The following SHANK2 variants were observed in gnomAD, a reference collection of about 807,000 sequenced individuals.
SHANK2 encodes the protein SH3 and multiple ankyrin repeat domains protein 2.
SHANK2 carries 43 observed loss-of-function variants against 133.7 expected under a neutral mutation model. That is an observed-to-expected ratio of 0.32 (90% confidence interval 0.25 to 0.41). SHANK2 has a LOEUF of 0.41. SHANK2 is among the 10% of genes least tolerant of loss of function. The pLI, the probability that SHANK2 is intolerant of heterozygous loss-of-function variation, is 1.00. For missense variants in SHANK2, 1,994 were observed against 2,235.8 expected, an observed-to-expected ratio of 0.89 and a Z score of 2.18; for synonymous variants, 1,017 against 952.8, an observed-to-expected ratio of 1.07 and a Z score of -1.24.
intron 14 of SHANK2, among the ~76,000 whole-genome samples, chr11:70,745,121 C>T (rs1946610935): frequency 6.6e-6 from 1 of 152,220 alleles, no homozygotes; most frequent in Admixed American, 6.5e-5. Context: ...AATTTCTACC[C>T]GACCTCCAAC....
chr11:70,870,967 G>A lies in SHANK2; in HGVS notation c.1174+25534C>T, dbSNP rs376318874. ...TAATCTTTGTATTTTTAGTAGAGACGGGGTTTCACCATGTTGGCCAGGCTG... is the reference window on the plus strand; with the variant it reads ...TAATCTTTGTATTTTTAGTAGAGACAGGGTTTCACCATGTTGGCCAGGCTG... On this transcript the variant is annotated intron_variant, in intron 11 of 25. Coordinates refer to ENST00000601538, the MANE Select transcript of SHANK2 (RefSeq NM_012309.5). Among the ~76,000 whole-genome samples, 6 of 152,186 alleles carry A rather than the reference G, an allele frequency of 3.9e-5. No individual in the cohort carries two copies. In the East Asian group the frequency reaches 1.2e-3, roughly 29 times the overall value.
At chr11:70,478,112 A>C (rs563668604) in intron 25 of SHANK2, among the ~76,000 whole-genome samples, 1 of 152,282 alleles carries the variant, frequency 6.6e-6, no homozygotes, top group African/African-American at 2.4e-5. Flanking sequence ...CAGTCAGTAC[A>C]AGTTAATTGG....
intron 10 of SHANK2, among the ~76,000 whole-genome samples, chr11:70,902,772 C>A (rs1240198019): frequency 6.6e-6 from 1 of 152,142 alleles, no homozygotes; most frequent in Non-Finnish European, 1.5e-5. Context: ...GCTGACAAAG[C>A]CCCCTGCAAG....
chr11:70,951,771 C>A (rs1444082251), intron 10 of SHANK2, among the ~76,000 whole-genome samples: 1 of 152,236 alleles, frequency 6.6e-6, no homozygotes, highest in Non-Finnish European at 1.5e-5. Context: ...TGCCCACCCC[C>A]ACCCAAAGGC....
Position 71,070,815 on chromosome 11 carries a change from T to C in SHANK2, c.1029+4344A>G, listed in dbSNP as rs1281519292. Among the ~76,000 whole-genome samples the C allele has an allele frequency of 2.0e-5, 3 of 152,388 alleles. No individual in the cohort carries two copies. In the South Asian group the frequency reaches 6.2e-4, roughly 32 times the overall value. On this transcript the variant is annotated intron_variant, in intron 9 of 25. Coordinates refer to ENST00000601538, the MANE Select transcript of SHANK2 (RefSeq NM_012309.5). The stretch of plus-strand genomic sequence containing the variant: ...CGCAAAGCCTAAAATGTTACCCAAC[T>C]GGCTCTTTATAGCAAAAGCAGATGG...
chr11:70,734,116 C>T (rs940287718), intron 14 of SHANK2, among the ~76,000 whole-genome samples: 8 of 152,060 alleles, frequency 5.3e-5, no homozygotes, highest in South Asian at 4.1e-4. Context: ...CCCTGAGCCG[C>T]GCATCTGGGA....
At chr11:71,185,183 C>T (rs1478932387) in intron 2 of SHANK2, among the ~76,000 whole-genome samples, 1 of 152,228 alleles carries the variant, frequency 6.6e-6, no homozygotes. Flanking sequence ...ACTGCCCACA[C>T]TGTTATGGTT....
Position 70,694,851 on chromosome 11 carries a change from C to T in SHANK2, c.1853+3837G>A, listed in dbSNP as rs531221180. ...CTGCCTGCTCTCCTTCCACACTGCCCGCTCTCTGCCTGCACTGCCCACCCT... is the reference window on the plus strand; with the variant it reads ...CTGCCTGCTCTCCTTCCACACTGCCTGCTCTCTGCCTGCACTGCCCACCCT... On this transcript the variant is annotated intron_variant, in intron 15 of 25. Coordinates refer to ENST00000601538, the MANE Select transcript of SHANK2 (RefSeq NM_012309.5). Among the ~76,000 whole-genome samples, 15 of 152,270 alleles carry T rather than the reference C, an allele frequency of 9.9e-5. No homozygotes were observed. The East Asian group carries it at 2.3e-3, about 24-fold the overall frequency.
intron 21 of SHANK2, among the ~76,000 whole-genome samples, chr11:70,497,852 C>T (rs1435612798): frequency 6.6e-6 from 1 of 152,242 alleles, no homozygotes; most frequent in Non-Finnish European, 1.5e-5. Flanking sequence ...GCTGAGTCTC[C>T]TGGAAAATAG....
At chr11:71,069,785 C>T (rs1951118755) in intron 9 of SHANK2, among the ~76,000 whole-genome samples, 1 of 152,178 alleles carries the variant, frequency 6.6e-6, no homozygotes, top group Non-Finnish European at 1.5e-5. Context: ...TTCCTCAGGG[C>T]TGCCTCCTGA....
intron 10 of SHANK2, among the ~76,000 whole-genome samples, chr11:70,898,299 CACACACACACACAT>C (rs1423335295): frequency 6.7e-6 from 1 of 149,372 alleles, no homozygotes; most frequent in Admixed American, 6.7e-5. Flanking sequence ...CACACACACA[CACACACACACACAT>C]ATATATATGT....
chr11:71,151,965 T>C (rs1347740297), intron 2 of SHANK2, among the ~76,000 whole-genome samples: 1 of 152,036 alleles, frequency 6.6e-6, no homozygotes, highest in African/African-American at 2.4e-5. Flanking sequence ...CAGAATGTGG[T>C]CCCCAAATCA....
intron 14 of SHANK2, among the ~76,000 whole-genome samples, chr11:70,786,028 A>C (rs1178544142): frequency 6.6e-6 from 1 of 152,122 alleles, no homozygotes; most frequent in African/African-American, 2.4e-5. Flanking sequence ...AGCAGTGTAG[A>C]GGTTCCCACA....
intron 2 of SHANK2, among the ~76,000 whole-genome samples, chr11:71,159,551 T>C (rs1555109557): frequency 6.6e-6 from 1 of 152,182 alleles, no homozygotes; most frequent in Non-Finnish European, 1.5e-5. Flanking sequence ...CAGCCACAAA[T>C]ATGTTCAATT....
intron 17 of SHANK2, among the ~76,000 whole-genome samples, chr11:70,530,046 T>C (rs1254282625): frequency 6.6e-6 from 1 of 152,134 alleles, no homozygotes; most frequent in East Asian, 1.9e-4. Context: ...ATCCAGCAAT[T>C]CCACTCCTGG....
Position 70,786,426 on chromosome 11 carries a change from G to T in SHANK2, c.1777+12017C>A, listed in dbSNP as rs534390722. 4.9e-4 allele frequency among the ~76,000 whole-genome samples: 75 copies of T among 152,222 alleles called. 3 individuals are homozygous for T. The South Asian group carries it at 0.014, about 29-fold the overall frequency. On this transcript the variant is annotated intron_variant, in intron 14 of 25. Coordinates refer to ENST00000601538, the MANE Select transcript of SHANK2 (RefSeq NM_012309.5). ...GCCTTGGTGGTGCTGGTGTTCCCAGGTATTACTATCAGGAAGCCCATTCCA... is the reference window on the plus strand; with the variant it reads ...GCCTTGGTGGTGCTGGTGTTCCCAGTTATTACTATCAGGAAGCCCATTCCA...
At chr11:70,751,140 CAA>C (rs1946742272) in intron 14 of SHANK2, among the ~76,000 whole-genome samples, 1 of 152,064 alleles carries the variant, frequency 6.6e-6, no homozygotes, top group African/African-American at 2.4e-5. Flanking sequence ...CCAATCTGAA[CAA>C]GAGAGAAAAG....
chr11:70,934,339 C>T (rs527446557), intron 10 of SHANK2, among the ~76,000 whole-genome samples: 13 of 152,262 alleles, frequency 8.5e-5, no homozygotes, highest in African/African-American at 3.1e-4. Context: ...GTTCCTCACC[C>T]CAGGTAATGG....
chr11:70,838,417 A>G (rs1948856215), intron 11 of SHANK2, among the ~76,000 whole-genome samples: 1 of 152,096 alleles, frequency 6.6e-6, no homozygotes, highest in African/African-American at 2.4e-5. Context: ...TATGTCGGAG[A>G]GACTCTAGGT....
Sources: gnomAD v4.1 joint callset for allele counts (sites outside exome capture counted in the v4.1 genomes callset) on GRCh38, gnomAD v4.1.1 for gene constraint, MANE v1.5 for transcripts, NCBI Gene and HGNC (gene_info 2026-07-23, HGNC 2026-07-21) for gene names.